The following CCDC7 variants were observed in gnomAD, a reference collection of about 807,000 sequenced individuals.
CCDC7 encodes the protein coiled-coil domain-containing protein 7.
CCDC7 carries 183 observed loss-of-function variants against 196.9 expected under a neutral mutation model. That is an observed-to-expected ratio of 0.93 (90% CI 0.82 to 1.05). The LOEUF is 1.05. CCDC7 is among the 50% of genes least tolerant of loss of function. The pLI, the probability that CCDC7 is intolerant of heterozygous loss-of-function variation, is 0.00. For synonymous variants in CCDC7, 525 were observed against 484.6 expected (o/e 1.08, Z -1.10); for missense variants, 1,540 against 1,482.2 (o/e 1.04, Z -0.64).
chr10:32,643,728 T>C (rs764608790), intron 20 of CCDC7, among the ~76,000 whole-genome samples: 16 of 152,112 alleles, frequency 1.1e-4, no homozygotes, highest in Admixed American at 3.9e-4. Context: ...TTTAAGTGCA[T>C]ATAGTATATG....
chr10:32,666,365 T>G (rs2072712422), intron 21 of CCDC7, among the ~76,000 whole-genome samples: 1 of 152,012 alleles, frequency 6.6e-6, no homozygotes, highest in Admixed American at 6.6e-5. Context: ...CCTGCAAGGT[T>G]GGACTTAGTA....
At chr10:32,541,906 C>T (rs1431685216) in intron 11 of CCDC7, among the ~76,000 whole-genome samples, 3 of 152,190 alleles carry the variant, frequency 2.0e-5, no homozygotes, top group Non-Finnish European at 4.4e-5. Context: ...CAGCCTTTCC[C>T]ATATTGAAAG....
chr10:32,463,484 CT>C (rs1314157080), intron 5 of CCDC7, among the ~76,000 whole-genome samples: 1 of 152,068 alleles, frequency 6.6e-6, no homozygotes, highest in Non-Finnish European at 1.5e-5. Flanking sequence ...TTCTTTTACA[CT>C]TTTGATTCAG....
intron 13 of CCDC7, among the ~76,000 whole-genome samples, chr10:32,561,091 G>T (rs2055504869): frequency 6.6e-6 from 1 of 152,090 alleles, no homozygotes; most frequent in Non-Finnish European, 1.5e-5. Context: ...AATGGTAAAG[G>T]GATCAATTCA....
chr10:32,526,009 G>A (rs563781113), intron 11 of CCDC7, among the ~76,000 whole-genome samples: 1 of 152,152 alleles, frequency 6.6e-6, no homozygotes, highest in African/African-American at 2.4e-5. Context: ...CCTTCAGGGT[G>A]GTGTGTTCCC....
chr10:32,695,090 A>C, intron 24 of CCDC7, 98 bp downstream of exon 25: 1 of 529,614 alleles, frequency 1.9e-6, no homozygotes. Flanking sequence ...CATATAGTTT[A>C]TGGAAATTTT....
chr10:32,528,095 C>A (rs2048949301), intron 11 of CCDC7, among the ~76,000 whole-genome samples: 1 of 151,994 alleles, frequency 6.6e-6, no homozygotes, highest in Admixed American at 6.6e-5. Flanking sequence ...GTTTAGCTTC[C>A]ACTTGTAAAT....
chr10:32,821,359 T>C (rs1267376676), intron 31 of CCDC7, among the ~76,000 whole-genome samples: 1 of 152,138 alleles, frequency 6.6e-6, no homozygotes, highest in Non-Finnish European at 1.5e-5. Context: ...TTTACACTGT[T>C]GGTGGGACTG....
In CCDC7 at chr10:32,778,033, A is replaced by C. The variant is rs556825586; in HGVS notation, c.2906-944A>C. On this transcript the variant is annotated intron_variant, in intron 28 of 41. Coordinates refer to ENST00000639629, the Ensembl canonical transcript of CCDC7. The stretch of plus-strand genomic sequence containing the variant: ...TTTATGTCCTTTGCCCCACTTTATA[A>C]TGGAGTTATTTGTTTTTTGCTTGTT... 3.9e-5 allele frequency among the ~76,000 whole-genome samples: 6 copies of C among 152,204 alleles called. No individual in the cohort carries two copies. In the East Asian group the frequency reaches 1.2e-3, roughly 29 times the overall value.
At chr10:32,647,787 C>G (rs892185385) in intron 20 of CCDC7, among the ~76,000 whole-genome samples, 1 of 152,180 alleles carries the variant, frequency 6.6e-6, no homozygotes, top group Non-Finnish European at 1.5e-5. Flanking sequence ...TGTCTGTTTG[C>G]TCTGTTGACA....
chr10:32,490,713 C>G (rs986808074), intron 8 of CCDC7, among the ~76,000 whole-genome samples: 2 of 151,902 alleles, frequency 1.3e-5, no homozygotes, highest in Non-Finnish European at 1.5e-5. Flanking sequence ...AGGAGAATGG[C>G]AGTGAACCCG....
intron 8 of CCDC7, among the ~76,000 whole-genome samples, chr10:32,477,924 A>G (rs2505385): frequency 0.34 from 52,222 of 152,054 alleles, 11,437 homozygotes; most frequent in Non-Finnish European, 0.5. Context: ...GATTAAATGG[A>G]CAAGAACTTG....
chr10:32,718,477 C>T (rs996521604), intron 25 of CCDC7, among the ~76,000 whole-genome samples: 13 of 152,180 alleles, frequency 8.5e-5, no homozygotes, highest in African/African-American at 3.1e-4. Flanking sequence ...CAAGGATGCC[C>T]TCTCTCACCA....
At chr10:32,873,008 T>C (rs1159232963) in intron 41 of CCDC7, among the ~76,000 whole-genome samples, 3 of 152,102 alleles carry the variant, frequency 2.0e-5, no homozygotes, top group Non-Finnish European at 4.4e-5. Flanking sequence ...ATCTGACAAT[T>C]ATGTGTCTTG....
At chr10:32,677,911 G>T (rs1050279322) in intron 21 of CCDC7, among the ~76,000 whole-genome samples, 7 of 151,280 alleles carry the variant, frequency 4.6e-5, no homozygotes, top group African/African-American at 9.7e-5. Flanking sequence ...TTTTATTTTT[G>T]TTTCTCATAA....
intron 33 of CCDC7, among the ~76,000 whole-genome samples, chr10:32,841,263 C>T (rs2092953336): frequency 6.6e-6 from 1 of 151,964 alleles, no homozygotes; most frequent in African/African-American, 2.4e-5. Context: ...AAGACTCATC[C>T]AAAAAGCTCC....
intron 29 of CCDC7, among the ~76,000 whole-genome samples, chr10:32,787,728 C>T (rs1243618699): frequency 6.6e-6 from 1 of 152,156 alleles, no homozygotes; most frequent in African/African-American, 2.4e-5. Context: ...TGGCTCTAGG[C>T]TTCTTCAGGC....
chr10:32,658,532 T>C (rs2070482124), intron 20 of CCDC7, among the ~76,000 whole-genome samples: 1 of 152,082 alleles, frequency 6.6e-6, no homozygotes, highest in African/African-American at 2.4e-5. Flanking sequence ...TCCTGCTGGG[T>C]CCCTCCCATG....
intron 13 of CCDC7, among the ~76,000 whole-genome samples, chr10:32,564,556 A>G (rs918361713): frequency 2.6e-5 from 4 of 151,978 alleles, no homozygotes; most frequent in African/African-American, 9.7e-5. Flanking sequence ...CAAGAACAAA[A>G]AACCAAACAC....
Sources: allele counts gnomAD v4.1 joint callset (sites outside exome capture counted in the v4.1 genomes callset), GRCh38; gene constraint gnomAD v4.1.1; transcripts MANE v1.5; gene names NCBI Gene and HGNC (gene_info 2026-07-23, HGNC 2026-07-21).